The following FSIP2 variants were observed in gnomAD, a reference collection of about 807,000 sequenced individuals.
The protein encoded by FSIP2 is fibrous sheath-interacting protein 2.
FSIP2 carries 367 observed loss-of-function variants against 510.5 expected under a neutral mutation model. The observed-to-expected ratio is 0.72, with a 90% CI of 0.66 to 0.78. FSIP2 has a LOEUF of 0.78. Among genes scored for constraint, FSIP2 ranks in the 30% least tolerant of loss-of-function variants. The pLI is 0.00. For missense variants in FSIP2, 7,594 were observed against 7,901.7 expected (o/e 0.96, Z 1.48); for synonymous variants, 2,601 against 2,732.2 (o/e 0.95, Z 1.50).
chr2:185,786,785 G>A (rs1056840366), intron 15 of FSIP2, among the ~76,000 whole-genome samples: 2 of 151,806 alleles, frequency 1.3e-5, no homozygotes, highest in Non-Finnish European at 2.9e-5. Context: ...GATCTAGACC[G>A]AAAAGTCAGG....
At chr2:185,797,568 G>A (rs1693322212) in intron 16 of FSIP2, 42 bp downstream of exon 16, 1 of 1,464,844 alleles carries the variant, frequency 6.8e-7, no homozygotes, top group Non-Finnish European at 8.9e-7. Flanking sequence ...CATGATTTAG[G>A]AAGAAAACCA....
chr2:185,780,305 T>G (rs1209290867), intron 13 of FSIP2, among the ~76,000 whole-genome samples: 1 of 152,028 alleles, frequency 6.6e-6, no homozygotes, highest in Non-Finnish European at 1.5e-5. Flanking sequence ...TTAGACTACC[T>G]TCTTGTCTCA....
intron 14 of FSIP2, among the ~76,000 whole-genome samples, chr2:185,783,166 C>T (rs1692892718): frequency 2.0e-5 from 3 of 152,146 alleles, no homozygotes; most frequent in South Asian, 2.1e-4. Context: ...ATGACTTAAT[C>T]GGTTATTCCC....
At chr2:185,810,844 C>G (rs968288245) in intron 17 of FSIP2, among the ~76,000 whole-genome samples, 14 of 151,890 alleles carry the variant, frequency 9.2e-5, no homozygotes, top group Admixed American at 5.9e-4. Flanking sequence ...GGCTGATGGA[C>G]AATGGTAATA....
chr2:185,827,647 C>T (rs1012250970), intron 20 of FSIP2, among the ~76,000 whole-genome samples: 6 of 151,840 alleles, frequency 4.0e-5, no homozygotes, highest in African/African-American at 1.4e-4. Flanking sequence ...CTGTAGACTC[C>T]ACCAAATATC....
rs372627598 is a variant in FSIP2 at position 185,816,922 on chromosome 2, A to G, written c.20426+1451A>G. On this transcript the variant is annotated intron_variant, in intron 19 of 22. Transcript: ENST00000424728. ...AAGAAAAGAGAGAGAAAGAAAAAAG[A>G]GTAAATGAGAAAGAGAGAGAAGAGA... Among the ~76,000 whole-genome samples the G allele has an allele frequency of 4.6e-5, 7 of 151,364 alleles. No homozygotes were observed. In the South Asian group the frequency reaches 1.0e-3, roughly 23 times the overall value.
chr2:185,777,524 T>G (rs1470591491), intron 13 of FSIP2, among the ~76,000 whole-genome samples: 2 of 152,042 alleles, frequency 1.3e-5, no homozygotes, highest in Non-Finnish European at 2.9e-5. Flanking sequence ...TCATTAAGTA[T>G]GATATGTACT....
Position 185,782,704 on chromosome 2 carries a change from G to T in FSIP2, c.1412-1G>T. 1 of 1,506,354 alleles carries T rather than the reference G, an allele frequency of 6.6e-7. No homozygotes were observed. The highest frequency in any genetic ancestry group is 8.9e-7 in the Non-Finnish European group (1 of 1,119,852). The allele number at this position is 1,506,354 out of a possible 1,614,324, so 93.3% of individuals were successfully genotyped here. ...TGTAATTTTATTTTTCTGATAAATA[G>T]GACCTCAGGCTCATGCTACAGACCC... On this transcript the variant is annotated splice_acceptor_variant, in intron 13 of 22. Transcript: ENST00000424728. LOFTEE classifies it high-confidence loss of function.
Position 185,790,327 on chromosome 2 carries a change from A to G in FSIP2, c.3191A>G (p.His1064Arg), listed in dbSNP as rs1194731394. The G allele has an allele frequency of 1.3e-6, 2 of 1,533,606 alleles. No individual in the cohort carries two copies. The highest frequency in any genetic ancestry group is 1.4e-5 in the African/African-American group (1 of 72,910). The allele number at this position is 1,533,606 out of a possible 1,614,324, so 95.0% of individuals were successfully genotyped here. ...GGTTCTAGAAGCAAAGCTGCATTTC[A>G]TGATTGGGAATTAAAGACTGAGCCA... ...KPGSRSKAAF[H>R]DWELKTEPPS... is the part of the protein sequence containing the mutation. The change falls in exon 16 of 23, where the codon CAT becomes CGT. Residue 1064 changes from histidine to arginine, a missense_variant. His to Arg is a conservative substitution (Grantham distance 29). Transcript: ENST00000424728.
chr2:185,765,079 G>C (rs972374593), intron 13 of FSIP2: 5 of 151,940 alleles, frequency 3.3e-5, no homozygotes, highest in African/African-American at 1.2e-4. Context: ...TGACGGTACA[G>C]ATGGTCCCCA....
chr2:185,782,585 C>T, intron 13 of FSIP2, 120 bp from the exon 14 acceptor site: 1 of 669,700 alleles, frequency 1.5e-6, no homozygotes, highest in Non-Finnish European at 2.7e-6. Context: ...TGTGGAGAGT[C>T]CCTGAAAGCC....
intron 19 of FSIP2, among the ~76,000 whole-genome samples, chr2:185,816,310 G>T (rs1315405150): frequency 6.6e-6 from 1 of 151,268 alleles, no homozygotes; most frequent in African/African-American, 2.4e-5. Context: ...TACATAATAG[G>T]TTATTTTAAC....
intron 15 of FSIP2, among the ~76,000 whole-genome samples, chr2:185,787,636 A>G (rs1693020473): frequency 6.6e-6 from 1 of 151,796 alleles, no homozygotes; most frequent in South Asian, 2.1e-4. Flanking sequence ...TAAGCACAAA[A>G]TATATTTGCA....
At chr2:185,739,014 C>T (rs1241152568) in intron 1 of FSIP2, 21 bp downstream of exon 1, 5 of 1,526,118 alleles carry the variant, frequency 3.3e-6, no homozygotes, top group African/African-American at 1.4e-5. Context: ...GCAAGCTGGG[C>T]GGCGTCGCCC....
intron 17 of FSIP2, among the ~76,000 whole-genome samples, chr2:185,809,498 G>A (rs1352356880): frequency 2.6e-5 from 4 of 151,952 alleles, no homozygotes; most frequent in African/African-American, 9.7e-5. Flanking sequence ...AGTTCGTTAT[G>A]GATATCTAAA....
At chr2:185,743,092 A>C in intron 2 of FSIP2, 41 bp from the exon 3 acceptor site, 1 of 1,256,128 alleles carries the variant, frequency 8.0e-7, no homozygotes, top group Non-Finnish European at 1.1e-6. Context: ...TTTAAAGTGA[A>C]AATGCATTAA....
At position 185,738,936 on chromosome 2, in the gene FSIP2, C is replaced by T. The variant is rs1040315050; in HGVS notation, c.42C>T (p.Val14=). The change falls in exon 1 of 23, where the codon GTC becomes GTT. Residue 14 remains valine, a synonymous_variant. Coordinates refer to ENST00000424728, the MANE Select transcript of FSIP2 (RefSeq NM_173651.4). ...GCGCCTGCTCCAAGCCTGCCAAAGT[C>T]GCCGTCACCAAGACGGTCGCCAGCG... ...YLGACSKPAK[V]AVTKTVASVL... 6.5e-7 allele frequency: 1 copy of T among 1,534,624 alleles called. No individual in the cohort carries two copies. Among genetic ancestry groups the T allele is most frequent in the African/African-American group, 1.4e-5 (1 of 73,150 alleles).
intron 9 of FSIP2, among the ~76,000 whole-genome samples, chr2:185,758,049 C>G (rs1005652744): frequency 6.6e-6 from 1 of 151,008 alleles, no homozygotes; most frequent in African/African-American, 2.4e-5. Context: ...AACTATAGTT[C>G]ATTTTCTGTT....
chr2:185,758,812 A>G (rs1218142764), intron 9 of FSIP2, among the ~76,000 whole-genome samples: 1 of 151,080 alleles, frequency 6.6e-6, no homozygotes, highest in African/African-American at 2.4e-5. Flanking sequence ...CTTCCATTCT[A>G]TTGATGTATT....
Sources: gnomAD v4.1 joint callset for allele counts (sites outside exome capture counted in the v4.1 genomes callset) on GRCh38, gnomAD v4.1.1 for gene constraint, MANE v1.5 for transcripts, NCBI Gene and HGNC (gene_info 2026-07-23, HGNC 2026-07-21) for gene names.